Variants in CEP72 observed in about 807,000 individuals in gnomAD.
CEP72 encodes the protein centrosomal protein 72, also known as centrosomal protein of 72 kDa.
CEP72 carries 78 observed loss-of-function variants against 65.7 expected under a neutral mutation model. That is an observed-to-expected ratio of 1.19 (90% confidence interval 0.99 to 1.43). The LOEUF (loss-of-function observed/expected upper bound fraction) is 1.43. Ranked by LOEUF, CEP72 falls within the 40% of genes most tolerant of loss-of-function variation. CEP72 has a pLI of 0.00. For synonymous variants in CEP72, 358 were observed against 351.7 expected, an observed-to-expected ratio of 1.02 and a Z score of -0.20; for missense variants, 914 against 832.9, an observed-to-expected ratio of 1.10 and a Z score of -1.20.
At chr5:644,145 A>G in intron 9 of CEP72, 154 bp from the exon 10 acceptor site, 3 of 795,944 alleles carry the variant, frequency 3.8e-6, no homozygotes, top group South Asian at 1.7e-5. Flanking sequence ...GGGAGCAGGG[A>G]GATGTACCGT....
chr5:674,493 G>C, the CEP72 span, among the ~76,000 whole-genome samples: 1 of 151,874 alleles, frequency 6.6e-6, no homozygotes, highest in Admixed American at 6.5e-5. Flanking sequence ...CTCCCGGTCC[G>C]AGTGCCCGGG....
In CEP72 at chr5:641,128, C is replaced by T. The variant is rs1037610180; in HGVS notation, c.1539+524C>T. On this transcript the variant is annotated intron_variant, in intron 9 of 11. Transcript: ENST00000264935. ...CCCTCCTTCCGTCTCAGCCGTGGGCCGGGGCCGCCGTCTCATCTGAGGCCT... is the reference window on the plus strand; with the variant it reads ...CCCTCCTTCCGTCTCAGCCGTGGGCTGGGGCCGCCGTCTCATCTGAGGCCT... 1.7e-5 allele frequency: 17 copies of T among 984,904 alleles called. No homozygotes were observed. The Admixed American group carries it at 4.9e-4, about 29-fold the overall frequency. 61.0% of individuals were successfully genotyped at this position (984,904 alleles called of 1,614,324 possible). A position where few individuals can be genotyped will look rare whatever the true frequency, so the allele number is the denominator to read the frequency against.
chr5:672,209 C>T, the CEP72 span, among the ~76,000 whole-genome samples: 1 of 152,118 alleles, frequency 6.6e-6, no homozygotes, highest in Non-Finnish European at 1.5e-5. Flanking sequence ...TGCCGGCTGG[C>T]CGGGGGGGTG....
chr5:655,286 G>C (rs1013854475), downstream of CEP72, among the ~76,000 whole-genome samples: 1 of 152,082 alleles, frequency 6.6e-6, no homozygotes, highest in East Asian at 1.9e-4. This position sits in a 1 kb window ranked among gnomAD's most constrained non-coding sequence, Gnocchi z 5.0. Flanking sequence ...TTGAACCTGG[G>C]AGGCGGAGGT....
At chr5:649,059 G>T (rs533452410) in intron 11 of CEP72, among the ~76,000 whole-genome samples, 567 of 145,034 alleles carry the variant, frequency 3.9e-3, no homozygotes, top group African/African-American at 0.014. Context: ...GTGTGACTGT[G>T]AGGTGTGGAC....
downstream of CEP72, among the ~76,000 whole-genome samples, chr5:654,774 C>T (rs1161737747): frequency 1.3e-5 from 2 of 152,122 alleles, no homozygotes; most frequent in African/African-American, 4.8e-5. Flanking sequence ...TCATATTTTT[C>T]ACCAGATTTG....
intron 11 of CEP72, among the ~76,000 whole-genome samples, chr5:649,028 A>T (rs1206803364): frequency 6.9e-6 from 1 of 144,184 alleles, no homozygotes; most frequent in African/African-American, 2.7e-5. Flanking sequence ...ATCAACCCTG[A>T]GTGTGAGGTG....
At chr5:648,333 C>A (rs1287620195) in intron 11 of CEP72, among the ~76,000 whole-genome samples, 1 of 127,266 alleles carries the variant, frequency 7.9e-6, no homozygotes, top group African/African-American at 3.2e-5. Context: ...GAGGCATGGA[C>A]TGTGAGGTGT....
chr5:670,976 C>T (rs1426792934), downstream of CEP72, among the ~76,000 whole-genome samples: 1 of 152,212 alleles, frequency 6.6e-6, no homozygotes, highest in Admixed American at 6.5e-5. Flanking sequence ...TGGATGGCAA[C>T]GTCCACTGGG....
chr5:674,432 C>T, the CEP72 span, among the ~76,000 whole-genome samples: 5 of 150,932 alleles, frequency 3.3e-5, no homozygotes, highest in Admixed American at 1.3e-4. Flanking sequence ...GGCCACACTG[C>T]GAACCCCACC....
chr5:671,153 G>A (rs536160570), downstream of CEP72, among the ~76,000 whole-genome samples: 151 of 152,252 alleles, frequency 9.9e-4, 1 homozygote, highest in African/African-American at 3.5e-3. Flanking sequence ...CTGAGGGGCC[G>A]CCTGGGATCA....
rs1340429627 is a variant in CEP72, at chr5:645,986, G to C, written c.1666+1561G>C. On this transcript the variant is annotated intron_variant, in intron 10 of 11. Transcript: ENST00000264935. This position sits in a 1 kb window ranked among gnomAD's most constrained non-coding sequence, Gnocchi z 4.0. Reference sequence around the variant, plus strand: ...GCGCCCTGTGTGGATGGTGAATTCGGCTTCCTTACACTGTGGGAGCGTCAC... The same window carrying C: ...GCGCCCTGTGTGGATGGTGAATTCGCCTTCCTTACACTGTGGGAGCGTCAC... 6.6e-6 allele frequency among the ~76,000 whole-genome samples: 1 copy of C among 151,464 alleles called. No individual in the cohort carries two copies. The highest frequency in any genetic ancestry group is 1.5e-5 in the Non-Finnish European group (1 of 67,886).
intron 1 of CEP72, chr5:663,244 T>A (rs1739748846): frequency 6.6e-6 from 1 of 152,228 alleles, no homozygotes; most frequent in Non-Finnish European, 1.5e-5. Flanking sequence ...CATTCAGAGT[T>A]GTTTTCAAAT....
intron 1 of CEP72, among the ~76,000 whole-genome samples, chr5:615,416 G>T (rs1274576134): frequency 1.3e-5 from 2 of 152,194 alleles, no homozygotes; most frequent in Non-Finnish European, 2.9e-5. Flanking sequence ...ACAAGTGTGA[G>T]CCACGGTGCC....
At chr5:654,455 CTGTGTG>C (rs70955277), downstream of CEP72, among the ~76,000 whole-genome samples, 2 of 148,920 alleles carry the variant, frequency 1.3e-5, no homozygotes, top group African/African-American at 5.0e-5. Flanking sequence ...GTGTGTGCTT[CTGTGTG>C]TGTGTGTGTG....
At position 612,461 on chromosome 5, in the gene CEP72, CG is replaced by C; in HGVS notation, c.82+23del. 3 of 797,940 alleles carry C rather than the reference CG, an allele frequency of 3.8e-6. No individual in the cohort carries two copies. The highest frequency in any genetic ancestry group is 1.8e-5 in the African/African-American group (1 of 54,338). 49.4% of individuals were successfully genotyped at this position (797,940 alleles called of 1,614,324 possible). A position where few individuals can be genotyped will look rare whatever the true frequency, so the allele number is the denominator to read the frequency against. ...CGACCTGGGTGCGCCGGAGGGCGGG[CG>C]GGGGTGCAAGCGTGAGGTGGCGGGG... On this transcript the variant is annotated intron_variant, in intron 1 of 11. Coordinates refer to ENST00000264935, the MANE Select transcript of CEP72 (RefSeq NM_018140.4).
At position 633,915 on chromosome 5, in the gene CEP72, A is replaced by G. The variant is rs1737404344; in HGVS notation, c.659A>G (p.Lys220Arg). The part of the protein sequence containing the change: ...RPPGSTSFSQ[K>R]GREADSRGSQ... ...CCCGGGAGCACGAGCTTCAGCCAGA[A>G]GGGGCGTGAGGCCGACTCTCGTGGT... The change falls in exon 5 of 12, where the codon AAG becomes AGG. Residue 220 changes from lysine (K) to arginine (R), a missense_variant. By Grantham distance (26) the Lys-to-Arg change is conservative. Transcript: ENST00000264935. 1 of 1,612,890 alleles carries G rather than the reference A, an allele frequency of 6.2e-7. No individual in the cohort carries two copies.
the CEP72 span, among the ~76,000 whole-genome samples, chr5:675,533 G>A: frequency 1.2e-3 from 161 of 137,720 alleles, 1 homozygote; most frequent in Middle Eastern, 4.5e-3. Context: ...CAGTGTGGCC[G>A]GGGATGCCGT....
In CEP72 at chr5:642,761, C is replaced by T. The variant is rs918139531; in HGVS notation, c.1540-1538C>T. 7.5e-5 allele frequency: 74 copies of T among 985,362 alleles called. No homozygotes were observed. The African/African-American group carries it at 1.3e-3, about 17-fold the overall frequency. 61.0% of individuals were successfully genotyped at this position (985,362 alleles called of 1,614,324 possible). A position where few individuals can be genotyped will look rare whatever the true frequency, so the allele number is the denominator to read the frequency against. ...CCCGCGGGTAAGGAGCAGTCAGCAC[C>T]GTCAGGAACCCCGCGGAGGGAGCAG... On this transcript the variant is annotated intron_variant, in intron 9 of 11. Coordinates refer to ENST00000264935, the MANE Select transcript of CEP72 (RefSeq NM_018140.4).
Sources: allele counts gnomAD v4.1 joint callset (sites outside exome capture counted in the v4.1 genomes callset), GRCh38; gene constraint gnomAD v4.1.1; non-coding constraint Gnocchi (gnomAD v3.1); transcripts MANE v1.5; gene names NCBI Gene and HGNC (gene_info 2026-07-23, HGNC 2026-07-21).